Variants in CUBN observed in about 807,000 individuals in gnomAD.
The protein encoded by CUBN is 460 kDa receptor.
In CUBN, 282 loss-of-function variants were observed where a neutral mutation model predicts 405.3. The ratio of observed to expected loss-of-function variants is 0.70; its 90% CI spans 0.63 to 0.77. CUBN has a LOEUF of 0.77. CUBN is among the 30% of genes least tolerant of loss of function. The pLI, the probability that CUBN is intolerant of heterozygous loss-of-function variation, is 0.00. For missense variants in CUBN, 4,514 were observed against 4,475.2 expected (o/e 1.01, Z -0.25); for synonymous variants, 1,684 against 1,617.0 (o/e 1.04, Z -0.99).
At chr10:16,922,835 A>G (rs1042474181) in intron 43 of CUBN, among the ~76,000 whole-genome samples, 8 of 147,948 alleles carry the variant, frequency 5.4e-5, no homozygotes, top group Non-Finnish European at 7.4e-5. Context: ...TTATTATACC[A>G]TATACCATGT....
In CUBN at chr10:17,110,726, C is replaced by T. The variant is rs370406663; in HGVS notation, c.1015+193G>A. Reference sequence around the variant, plus strand: ...TCTTTTTAGTAGAGACAGGGTTTCACCATGTTGGCCAGGCCCGAACTCCCG... The same window carrying T: ...TCTTTTTAGTAGAGACAGGGTTTCATCATGTTGGCCAGGCCCGAACTCCCG... On this transcript the variant is annotated intron_variant, in intron 9 of 66. Coordinates refer to ENST00000377833, the MANE Select transcript of CUBN (RefSeq NM_001081.4). Among the ~76,000 whole-genome samples, 13 of 152,266 alleles carry T rather than the reference C, an allele frequency of 8.5e-5. No homozygotes were observed. In the South Asian group the frequency reaches 2.7e-3, roughly 32 times the overall value.
chr10:16,928,023 C>T lies in CUBN; in HGVS notation c.6271+134G>A, dbSNP rs1380593541. On this transcript the variant is annotated intron_variant, in intron 41 of 66. Coordinates refer to ENST00000377833, the MANE Select transcript of CUBN (RefSeq NM_001081.4). ...GTAAGGGGAGCCAGCCATCCAGAGC[C>T]TGGGCAGAGACCCATGTCCTCTGAC... 39 of 978,626 alleles carry T rather than the reference C, an allele frequency of 4.0e-5. No homozygotes were observed. In the Admixed American group the frequency reaches 7.8e-4, roughly 20 times the overall value. 60.6% of individuals were successfully genotyped at this position (978,626 alleles called of 1,614,324 possible).
At chr10:16,890,909 C>G (rs1050419707) in intron 54 of CUBN, among the ~76,000 whole-genome samples, 2 of 152,148 alleles carry the variant, frequency 1.3e-5, no homozygotes, top group Non-Finnish European at 2.9e-5. Context: ...GGGAAGATAG[C>G]AGATTGTGGT....
At position 16,952,328 on chromosome 10, in the gene CUBN, G is replaced by T. The variant is rs1481993847; in HGVS notation, c.4917C>A (p.Ala1639=). 2 of 1,613,954 alleles carry T rather than the reference G, an allele frequency of 1.2e-6. No homozygotes were observed. Among genetic ancestry groups the T allele is most frequent in the Admixed American group, 3.3e-5 (2 of 60,010 alleles). Residue 1639 remains alanine, a synonymous_variant, in exon 33 of 67, where the codon GCC becomes GCA. Coordinates refer to ENST00000377833, the MANE Select transcript of CUBN (RefSeq NM_001081.4). ...TGCAGTTCTGATTGTTTGGATAATT[G>T]GCAGGGAACCGTGGAGAGGAAACAG... ...FDTVSSPRFP[A]NYPNNQNCSW...
At chr10:16,994,465 A>G (rs1220085208) in intron 28 of CUBN, among the ~76,000 whole-genome samples, 1 of 152,198 alleles carries the variant, frequency 6.6e-6, no homozygotes, top group Non-Finnish European at 1.5e-5. Context: ...ACAAATAAGA[A>G]TAAATAACTC....
At chr10:16,903,092 T>C (rs1410845852) in intron 51 of CUBN, among the ~76,000 whole-genome samples, 1 of 152,178 alleles carries the variant, frequency 6.6e-6, no homozygotes, top group African/African-American at 2.4e-5. Flanking sequence ...ACACACATCA[T>C]GACAAAATAG....
intron 60 of CUBN, among the ~76,000 whole-genome samples, chr10:16,847,426 T>A (rs887177763): frequency 6.6e-6 from 1 of 151,868 alleles, no homozygotes; most frequent in African/African-American, 2.4e-5. Flanking sequence ...CAGTCCAGCC[T>A]GGGCAAGACA....
intron 31 of CUBN, among the ~76,000 whole-genome samples, chr10:16,954,915 A>G (rs375677670): frequency 7.9e-5 from 12 of 152,210 alleles, no homozygotes; most frequent in African/African-American, 2.2e-4. Context: ...AACAGACGAG[A>G]AATAATGATG....
At chr10:16,903,198 A>G (rs922771185) in intron 51 of CUBN, among the ~76,000 whole-genome samples, 10 of 152,228 alleles carry the variant, frequency 6.6e-5, no homozygotes, top group African/African-American at 2.4e-4. Context: ...AAGTTGAATC[A>G]TCTCAATGGA....
At chr10:17,050,656 T>C (rs984449115) in intron 22 of CUBN, among the ~76,000 whole-genome samples, 7 of 152,016 alleles carry the variant, frequency 4.6e-5, no homozygotes, top group African/African-American at 1.7e-4. Flanking sequence ...TCTCTCCCAT[T>C]CCAGAATGGG....
chr10:16,947,003 T>C (rs1588507906), intron 36 of CUBN, among the ~76,000 whole-genome samples: 1 of 152,168 alleles, frequency 6.6e-6, no homozygotes, highest in Non-Finnish European at 1.5e-5. Flanking sequence ...GATTCATTCA[T>C]TCACCAAGGA....
intron 36 of CUBN, among the ~76,000 whole-genome samples, chr10:16,941,291 G>A (rs12217784): frequency 0.05 from 7,642 of 152,072 alleles, 350 homozygotes; most frequent in East Asian, 0.2. Flanking sequence ...TGCAATAACG[G>A]ATATCCTTAT....
At chr10:16,910,617 C>A (rs972700970) in intron 48 of CUBN, among the ~76,000 whole-genome samples, 1 of 151,954 alleles carries the variant, frequency 6.6e-6, no homozygotes, top group Middle Eastern at 3.4e-3. Context: ...TTCTTAAATA[C>A]GAATGAATAG....
intron 27 of CUBN, among the ~76,000 whole-genome samples, chr10:17,026,984 C>T (rs76464408): frequency 0.02 from 3,035 of 152,288 alleles, 44 homozygotes; most frequent in East Asian, 0.061. Context: ...GAGCAAAAAA[C>T]CCATCGAAAT....
intron 62 of CUBN, among the ~76,000 whole-genome samples, chr10:16,839,145 C>A (rs1839266158): frequency 6.6e-6 from 1 of 152,058 alleles, no homozygotes; most frequent in Non-Finnish European, 1.5e-5. Context: ...AGGTGTTTGT[C>A]AAAAATTCAG....
chr10:17,124,595 A>AT (rs1170010008), intron 4 of CUBN, among the ~76,000 whole-genome samples: 6 of 150,992 alleles, frequency 4.0e-5, no homozygotes, highest in East Asian at 2.0e-4. Flanking sequence ...CGCCCAGCTA[A>AT]TTTTTTGTAT....
At chr10:16,837,867 G>A (rs954614840) in intron 62 of CUBN, among the ~76,000 whole-genome samples, 2 of 152,144 alleles carry the variant, frequency 1.3e-5, no homozygotes, top group Non-Finnish European at 2.9e-5. Flanking sequence ...GGTCTTACTC[G>A]AGGCTGCTCC....
intron 28 of CUBN, among the ~76,000 whole-genome samples, chr10:17,013,267 C>G (rs1001906468): frequency 9.9e-5 from 15 of 151,750 alleles, no homozygotes; most frequent in Non-Finnish European, 1.8e-4. Flanking sequence ...CTGTCTCTTC[C>G]TGTCTCCTTC....
At chr10:16,869,564 G>GC (rs1216374758) in intron 59 of CUBN, 72 bp downstream of exon 59, 7 of 986,362 alleles carry the variant, frequency 7.1e-6, no homozygotes, top group Non-Finnish European at 1.1e-5. Context: ...GGGTGGGGGG[G>GC]GGGCGGGGAA....
Sources: gnomAD v4.1 joint callset for allele counts (sites outside exome capture counted in the v4.1 genomes callset) on GRCh38, gnomAD v4.1.1 for gene constraint, MANE v1.5 for transcripts, NCBI Gene and HGNC (gene_info 2026-07-23, HGNC 2026-07-21) for gene names.